ATP8A2: variants seen among roughly 807,000 people sequenced by gnomAD.
The protein encoded by ATP8A2 is ATPase phospholipid transporting 8A2.
ATP8A2 carries 100 observed loss-of-function variants against 165.6 expected under a neutral mutation model. That is an observed-to-expected ratio of 0.60 (90% CI 0.51 to 0.71). The LOEUF (loss-of-function observed/expected upper bound fraction) is 0.71. Among genes scored for constraint, ATP8A2 ranks in the 30% least tolerant of loss-of-function variants. The pLI is 0.00. For synonymous variants in ATP8A2, 543 were observed against 548.8 expected (o/e 0.99, Z 0.15); for missense variants, 1,227 against 1,479.5 (o/e 0.83, Z 2.80).
intron 24 of ATP8A2, among the ~76,000 whole-genome samples, chr13:25,682,605 T>G (rs1408412071): frequency 1.3e-5 from 2 of 152,196 alleles, no homozygotes; most frequent in East Asian, 1.9e-4. Context: ...AGCCGTTATT[T>G]GCTGAGTTTC....
chr13:25,643,518 T>G (rs989606482), intron 24 of ATP8A2, among the ~76,000 whole-genome samples: 2 of 152,172 alleles, frequency 1.3e-5, no homozygotes, highest in Admixed American at 1.3e-4. Context: ...ACAGCACTAT[T>G]TATTAAAGAG....
chr13:25,574,445 C>T (rs2039558116), intron 18 of ATP8A2, among the ~76,000 whole-genome samples: 1 of 152,128 alleles, frequency 6.6e-6, no homozygotes, highest in Non-Finnish European at 1.5e-5. Context: ...TACCCCAGAC[C>T]CTGCTGGGGA....
At chr13:25,847,332 T>G (rs1461335501) in intron 30 of ATP8A2, among the ~76,000 whole-genome samples, 1 of 152,262 alleles carries the variant, frequency 6.6e-6, no homozygotes, top group Non-Finnish European at 1.5e-5. Flanking sequence ...TGTTTCTGTT[T>G]TGTTTTAAAC....
Position 25,468,980 on chromosome 13 carries a change from C to A in ATP8A2, c.80C>A (p.Pro27His). ...TGCCTGCGCCCTGTCTCTGCAGGAC[C>A]TGTTCGTTCTTCTTTGGGCTATAAG... is the stretch of plus-strand genomic sequence containing the variant. Reference protein sequence around the residue: ...RRSRIRSSVGPVRSSLGYKKA... With the variant: ...RRSRIRSSVGHVRSSLGYKKA... Residue 27 changes from proline (P) to histidine (H), a missense_variant, in exon 2 of 37, where the codon CCT (proline) becomes CAT (histidine). Pro to His is a moderately conservative substitution (Grantham distance 77). Coordinates refer to ENST00000381655, the MANE Select transcript of ATP8A2 (RefSeq NM_016529.6). 6.2e-7 allele frequency: 1 copy of A among 1,613,956 alleles called. No individual in the cohort carries two copies. The highest frequency in any genetic ancestry group is 1.1e-5 in the South Asian group (1 of 91,082).
intron 33 of ATP8A2, among the ~76,000 whole-genome samples, chr13:25,944,235 G>A (rs1009897402): frequency 4.6e-5 from 7 of 152,218 alleles, no homozygotes; most frequent in Non-Finnish European, 1.0e-4. Context: ...GAGCTGGGCG[G>A]GTGGCTCACG....
chr13:25,946,498 G>A (rs1278523304), intron 33 of ATP8A2, among the ~76,000 whole-genome samples: 1 of 152,120 alleles, frequency 6.6e-6, no homozygotes, highest in Non-Finnish European at 1.5e-5. Flanking sequence ...TCCTCCTCAC[G>A]TCGCCAGTGG....
At chr13:25,869,556 A>T (rs1449815244) in intron 33 of ATP8A2, among the ~76,000 whole-genome samples, 2 of 152,204 alleles carry the variant, frequency 1.3e-5, no homozygotes, top group Admixed American at 1.3e-4. Context: ...TACTTGCGTT[A>T]TTTCTGAGCT....
At chr13:25,651,649 C>G (rs1258679049) in intron 24 of ATP8A2, among the ~76,000 whole-genome samples, 1 of 151,994 alleles carries the variant, frequency 6.6e-6, no homozygotes, top group Non-Finnish European at 1.5e-5. Flanking sequence ...GAATTGTGAT[C>G]AGGGGAGTTT....
intron 35 of ATP8A2, among the ~76,000 whole-genome samples, chr13:25,979,335 T>TA (rs1162777329): frequency 6.6e-6 from 1 of 152,188 alleles, no homozygotes; most frequent in African/African-American, 2.4e-5. Context: ...TTCTTGGGTT[T>TA]AAAAAAACCT....
At chr13:25,891,168 C>G (rs1236678701) in intron 33 of ATP8A2, among the ~76,000 whole-genome samples, 1 of 152,234 alleles carries the variant, frequency 6.6e-6, no homozygotes, top group South Asian at 2.1e-4. Context: ...GTGTGTTGCT[C>G]TCACTCAGTT....
At chr13:25,921,928 T>G (rs1364317346) in intron 33 of ATP8A2, among the ~76,000 whole-genome samples, 1 of 152,244 alleles carries the variant, frequency 6.6e-6, no homozygotes, top group African/African-American at 2.4e-5. Context: ...TATAGTTTAT[T>G]TGTTAGATTT....
chr13:25,937,151 T>G (rs1166842791), intron 33 of ATP8A2, among the ~76,000 whole-genome samples: 1 of 152,046 alleles, frequency 6.6e-6, no homozygotes, highest in Non-Finnish European at 1.5e-5. Context: ...GATTAATATT[T>G]TTTAAAGAAG....
chr13:25,533,359 C>G (rs199990345), intron 6 of ATP8A2, 46 bp downstream of exon 6: 1 of 1,084,846 alleles, frequency 9.2e-7, no homozygotes, highest in Non-Finnish European at 1.4e-6. Flanking sequence ...GGTTTGAAGA[C>G]GCGTAATGAA....
chr13:25,802,990 A>G (rs1259561537), intron 27 of ATP8A2, among the ~76,000 whole-genome samples: 1 of 151,908 alleles, frequency 6.6e-6, no homozygotes, highest in Non-Finnish European at 1.5e-5. Flanking sequence ...AGATATGGGT[A>G]AGACAACTGT....
At chr13:25,537,872 A>G in intron 6 of ATP8A2, 116 bp from the exon 7 acceptor site, 2 of 613,862 alleles carry the variant, frequency 3.3e-6, no homozygotes, top group Admixed American at 2.9e-5. Context: ...TCTATCTTAA[A>G]CTTCATGGCT....
rs7323391 is a variant in ATP8A2 at position 25,953,473 on chromosome 13, T to C, written c.3184-8102T>C. Among the ~76,000 whole-genome samples, 5,322 of 148,262 alleles carry C rather than the reference T, an allele frequency of 0.036. 304 individuals carry two copies. Among genetic ancestry groups the C allele is most frequent in the African/African-American group, 0.12 (4,756 of 40,092 alleles). Reference sequence around the variant, plus strand: ...TACATCTTTTCAAATCCACGCCACATTGGGGAACACAAACTGACCTTATGT... The same window carrying C: ...TACATCTTTTCAAATCCACGCCACACTGGGGAACACAAACTGACCTTATGT... On this transcript the variant is annotated intron_variant, in intron 33 of 36. Coordinates refer to ENST00000381655, the MANE Select transcript of ATP8A2 (RefSeq NM_016529.6). This position sits in a 1 kb window ranked among gnomAD's most constrained non-coding sequence, Gnocchi z 6.7.
chr13:25,450,686 C>T lies in ATP8A2; in HGVS notation c.77-18291C>T, dbSNP rs971963163. Among the ~76,000 whole-genome samples the T allele has an allele frequency of 1.8e-4, 28 of 152,198 alleles. No homozygotes were observed. The East Asian group carries it at 2.5e-3, about 14-fold the overall frequency. ...AGCTGGGACTACAGGCGCCCGCCAC[C>T]ATGCCCGGCTAATTTTTTGTATTTT... is the stretch of plus-strand genomic sequence containing the variant. On this transcript the variant is annotated intron_variant, in intron 1 of 36. Transcript: ENST00000381655.
chr13:25,731,460 T>C (rs1254587798), intron 25 of ATP8A2, among the ~76,000 whole-genome samples: 1 of 152,148 alleles, frequency 6.6e-6, no homozygotes, highest in Non-Finnish European at 1.5e-5. Flanking sequence ...AATTAAAATA[T>C]TGACCAATTG....
rs368100044 is a variant in ATP8A2, at chr13:25,893,801, G to C, written c.3183+31393G>C. Among the ~76,000 whole-genome samples, 10 of 152,158 alleles carry C rather than the reference G, an allele frequency of 6.6e-5. No individual in the cohort carries two copies. In the East Asian group the frequency reaches 1.5e-3, roughly 23 times the overall value. Reference sequence around the variant, plus strand: ...TTGATTTGCATTTCTCTGATGGCCAGTGATGATGAGCATTTTTTCATGTGT... The same window carrying C: ...TTGATTTGCATTTCTCTGATGGCCACTGATGATGAGCATTTTTTCATGTGT... On this transcript the variant is annotated intron_variant, in intron 33 of 36. Coordinates refer to ENST00000381655, the MANE Select transcript of ATP8A2 (RefSeq NM_016529.6).
Sources: gnomAD v4.1 joint callset for allele counts (sites outside exome capture counted in the v4.1 genomes callset) on GRCh38, gnomAD v4.1.1 for gene constraint, Gnocchi (gnomAD v3.1) non-coding constraint, MANE v1.5 for transcripts, NCBI Gene and HGNC (gene_info 2026-07-23, HGNC 2026-07-21) for gene names.